Variants in MID1 observed in about 807,000 individuals in gnomAD.
The protein encoded by MID1 is E3 ubiquitin-protein ligase Midline-1.
MID1 carries 7 observed loss-of-function variants against 40.4 expected under a neutral mutation model. The ratio of observed to expected loss-of-function variants is 0.17; its 90% CI spans 0.10 to 0.33. The LOEUF is 0.33. Ranked by LOEUF, MID1 falls within the 10% of genes least tolerant of loss-of-function variation. The pLI is 1.00. For missense variants in MID1, 367 were observed against 558.5 expected, an observed-to-expected ratio of 0.66 and a Z score of 3.46; for synonymous variants, 229 against 221.2, an observed-to-expected ratio of 1.04 and a Z score of -0.31.
intron 2 of MID1, among the ~76,000 whole-genome samples, chrX:10,533,378 A>AAGAAAGAAAGAG (rs775558538): frequency 9.5e-4 from 54 of 56,570 alleles, no homozygotes; most frequent in African/African-American, 2.7e-3. Context: ...GAAAGAAAGA[A>AAGAAAGAAAGAG]AAAGAAAGAA....
At chrX:10,515,499 T>G (rs1482680441) in intron 3 of MID1, among the ~76,000 whole-genome samples, 1 of 112,027 alleles carries the variant, frequency 8.9e-6, no homozygotes, top group East Asian at 2.8e-4. Context: ...AACTTTCCAT[T>G]AAAATAAAAC....
At chrX:10,593,802 C>CACA (rs1300344817) in intron 1 of MID1, among the ~76,000 whole-genome samples, 1 of 108,016 alleles carries the variant, frequency 9.3e-6, no homozygotes, top group Non-Finnish European at 1.9e-5. Context: ...CACACACACA[C>CACA]ACCACTTTTT....
At chrX:10,699,504 T>C (rs995629953) in intron 1 of MID1, among the ~76,000 whole-genome samples, 5 of 112,008 alleles carry the variant, frequency 4.5e-5, no homozygotes, top group African/African-American at 1.6e-4. Flanking sequence ...TTTGACCCTG[T>C]AAAATTTGTT....
At chrX:10,767,118 G>C (rs1281569292) in intron 1 of MID1, among the ~76,000 whole-genome samples, 3 of 110,508 alleles carry the variant, frequency 2.7e-5, no homozygotes, top group African/African-American at 9.9e-5. Context: ...GAAATTCAAT[G>C]CAGGCAATAA....
chrX:10,602,505 G>A (rs960930245), intron 1 of MID1, among the ~76,000 whole-genome samples: 1 of 110,262 alleles, frequency 9.1e-6, no homozygotes, highest in Non-Finnish European at 1.9e-5. Context: ...CGGCAACCAC[G>A]AATCTACTTT....
chrX:10,760,818 C>A (rs1174592184), intron 1 of MID1, among the ~76,000 whole-genome samples: 1 of 111,483 alleles, frequency 9.0e-6, no homozygotes, highest in Non-Finnish European at 1.9e-5. Flanking sequence ...CACAGCAAAA[C>A]CCTGCCTCTA....
chrX:10,766,157 G>A lies in MID1; in HGVS notation c.-187+67397C>T, dbSNP rs773912350. Among the ~76,000 whole-genome samples the A allele has an allele frequency of 1.1e-3, 120 of 111,344 alleles. 1 individual carries two copies. Among genetic ancestry groups the A allele is most frequent in the Non-Finnish European group, 1.5e-3 (80 of 53,065 alleles). On this transcript the variant is annotated intron_variant, in intron 1 of 10. Transcript: ENST00000380785. ...GGACATAAGAAAAAGACCAACAATC[G>A]TGCCACAAAGGCCCCATCGGCTCTG... is the stretch of plus-strand genomic sequence containing the variant.
intron 3 of MID1, among the ~76,000 whole-genome samples, chrX:10,512,781 C>T (rs1210729462): frequency 1.8e-5 from 2 of 111,832 alleles, no homozygotes; most frequent in Non-Finnish European, 3.8e-5. Flanking sequence ...ATAGTTTTCA[C>T]GACTTTACAT....
At chrX:10,827,471 CAGAGAG>C (rs58413595) in intron 1 of MID1, among the ~76,000 whole-genome samples, 5 of 85,140 alleles carry the variant, frequency 5.9e-5, no homozygotes, top group African/African-American at 1.3e-4. Flanking sequence ...GCCCACCAGC[CAGAGAG>C]AGAGAGAGAG....
At chrX:10,805,565 T>C (rs1294656799) in intron 1 of MID1, among the ~76,000 whole-genome samples, 1 of 94,730 alleles carries the variant, frequency 1.1e-5, no homozygotes, top group Non-Finnish European at 2.1e-5. Flanking sequence ...GCATGATTTA[T>C]AGTCCTTTGG....
Position 10,495,707 on chromosome X carries a change from A to C in MID1, c.757-16T>G. 1 of 1,112,984 alleles carries C rather than the reference A, an allele frequency of 9.0e-7. No individual in the cohort carries two copies. Among genetic ancestry groups the C allele is most frequent in the Non-Finnish European group, 1.2e-6 (1 of 805,821 alleles). 91.7% of individuals were successfully genotyped at this position (1,112,984 alleles called of 1,213,427 possible). The stretch of plus-strand genomic sequence containing the variant: ...ATGCATTGACCTACAGGATAAGTAC[A>C]ATGGTAAGTGTTAATTTGGCCTTTG... On this transcript the variant is annotated splice_polypyrimidine_tract_variant and intron_variant, in intron 3 of 9. Transcript: ENST00000317552.
upstream of MID1, among the ~76,000 whole-genome samples, chrX:10,624,137 TA>T (rs377338957): frequency 3.6e-5 from 4 of 112,571 alleles, no homozygotes; most frequent in African/African-American, 9.7e-5. Context: ...ATGGGCCAAA[TA>T]AGACTTGGAG....
At chrX:10,800,072 G>C (rs912382787) in intron 1 of MID1, among the ~76,000 whole-genome samples, 2 of 111,007 alleles carry the variant, frequency 1.8e-5, no homozygotes, top group African/African-American at 6.6e-5. Context: ...TTCACAACTT[G>C]GTATTTCCCT....
intron 1 of MID1, among the ~76,000 whole-genome samples, chrX:10,759,801 A>G (rs2043663113): frequency 8.9e-6 from 1 of 112,018 alleles, no homozygotes; most frequent in African/African-American, 3.2e-5. Context: ...TCTCTAGCAT[A>G]AGAAATGCCT....
chrX:10,788,808 C>T (rs1455795354), intron 1 of MID1, among the ~76,000 whole-genome samples: 1 of 111,831 alleles, frequency 8.9e-6, no homozygotes, highest in Non-Finnish European at 1.9e-5. Flanking sequence ...AAATCGTTTG[C>T]TAAGGATATC....
At chrX:10,655,014 C>T (rs1206165267) in intron 1 of MID1, among the ~76,000 whole-genome samples, 1 of 112,041 alleles carries the variant, frequency 8.9e-6, no homozygotes, top group Non-Finnish European at 1.9e-5. Context: ...AGAAACACAA[C>T]GAACAAGGAA....
At chrX:10,525,842 C>A in intron 2 of MID1, among the ~76,000 whole-genome samples, 1 of 111,819 alleles carries the variant, frequency 8.9e-6, no homozygotes, top group Non-Finnish European at 1.9e-5. Flanking sequence ...AAGGCTCTTG[C>A]CACATGTGAT....
chrX:10,636,817 T>TATATATATATATAC (rs1204232884), intron 1 of MID1, among the ~76,000 whole-genome samples: 6 of 86,022 alleles, frequency 7.0e-5, no homozygotes, highest in African/African-American at 1.3e-4. Flanking sequence ...TATATATATA[T>TATATATATATATAC]ACACCACTGG....
chrX:10,516,296 G>A (rs940176455), intron 3 of MID1, among the ~76,000 whole-genome samples: 10 of 102,855 alleles, frequency 9.7e-5, no homozygotes, highest in African/African-American at 3.6e-4. Context: ...CCGGGTTCAC[G>A]CCATTCTCCT....
Sources: gnomAD v4.1 joint callset for allele counts (sites outside exome capture counted in the v4.1 genomes callset) on GRCh38, gnomAD v4.1.1 for gene constraint, MANE v1.5 for transcripts, NCBI Gene and HGNC (gene_info 2026-07-23, HGNC 2026-07-21) for gene names.